Variants in FRMPD3 observed in about 807,000 individuals in gnomAD.
The protein encoded by FRMPD3 is FERM and PDZ domain containing 3.
A neutral mutation model predicts 97.9 loss-of-function variants in FRMPD3; 42 were observed. The observed-to-expected ratio is 0.43, with a 90% CI of 0.34 to 0.55. The LOEUF is 0.55. FRMPD3 is among the 20% of genes least tolerant of loss of function. The pLI is 0.03. For synonymous variants in FRMPD3, 577 were observed against 581.1 expected, an observed-to-expected ratio of 0.99 and a Z score of 0.10; for missense variants, 1,303 against 1,457.7, an observed-to-expected ratio of 0.89 and a Z score of 1.73.
At chrX:107,542,065 G>C (rs1921338523) in intron 4 of FRMPD3, among the ~76,000 whole-genome samples, 1 of 112,434 alleles carries the variant, frequency 8.9e-6, no homozygotes, top group African/African-American at 3.2e-5. Context: ...GATTCCACTT[G>C]CCTCATGTTT....
chrX:107,554,309 A>G, intron 7 of FRMPD3, 76 bp from the exon 8 acceptor site: 1 of 1,090,391 alleles, frequency 9.2e-7, no homozygotes, highest in Non-Finnish European at 1.2e-6. Flanking sequence ...TTAAAGAGCC[A>G]CTGAGCTGCC....
At chrX:107,534,069 T>C (rs1364234003) in intron 4 of FRMPD3, among the ~76,000 whole-genome samples, 1 of 112,028 alleles carries the variant, frequency 8.9e-6, no homozygotes, top group East Asian at 2.8e-4. Flanking sequence ...AATGAGTCAG[T>C]TCCCCATTCT....
At chrX:107,483,160 GC>G (rs1413342486) in intron 1 of FRMPD3, among the ~76,000 whole-genome samples, 20 of 112,128 alleles carry the variant, frequency 1.8e-4, no homozygotes, top group African/African-American at 6.2e-4. Flanking sequence ...GCTGTGAACT[GC>G]ATAAAGGTAC....
chrX:107,514,481 C>T (rs1241394078), intron 1 of FRMPD3, among the ~76,000 whole-genome samples: 2 of 108,985 alleles, frequency 1.8e-5, no homozygotes, highest in African/African-American at 3.3e-5. Context: ...GGAGAGGGAG[C>T]GAGCTTGTCG....
At chrX:107,508,585 T>G (rs751131512) in intron 1 of FRMPD3, among the ~76,000 whole-genome samples, 1 of 111,621 alleles carries the variant, frequency 9.0e-6, no homozygotes, top group Non-Finnish European at 1.9e-5. Flanking sequence ...CCCAGATCAC[T>G]AACTCCAGAG....
chrX:107,527,608 T>C (rs762964499), intron 2 of FRMPD3, among the ~76,000 whole-genome samples: 15 of 112,413 alleles, frequency 1.3e-4, no homozygotes, highest in Non-Finnish European at 2.8e-4. Context: ...AGTACTGTTT[T>C]GTTTCGAATC....
At chrX:107,453,329 G>A (rs1931322899) in intron 1 of FRMPD3, among the ~76,000 whole-genome samples, 1 of 110,117 alleles carries the variant, frequency 9.1e-6, no homozygotes, top group African/African-American at 3.3e-5. Context: ...GTTTTGGGGG[G>A]TTCTTGCCTT....
rs1426364162 is a variant in FRMPD3 at position 107,507,839 on chromosome X, C to T, written c.-7-18743C>T. ...AGATCTTCCTTCTGTTCCTCCATCC[C>T]CAGTCACTCATTTTACTTAGAGTAC... On this transcript the variant is annotated intron_variant, in intron 1 of 14. Coordinates refer to ENST00000683843, the MANE Select transcript of FRMPD3 (RefSeq NM_001388459.1). Among the ~76,000 whole-genome samples the T allele has an allele frequency of 2.7e-5, 3 of 112,321 alleles. No homozygotes were observed. The East Asian group carries it at 8.4e-4, about 31-fold the overall frequency.
At chrX:107,560,578 G>C in intron 9 of FRMPD3, 149 bp from the exon 10 acceptor site, 1 of 879,009 alleles carries the variant, frequency 1.1e-6, no homozygotes, top group Non-Finnish European at 1.6e-6. Flanking sequence ...TGTGGCTAAT[G>C]TTATTTTCCT....
Position 107,471,375 on chromosome X carries a change from C to A in FRMPD3, c.-8+21370C>A, listed in dbSNP as rs185482935. ...AAAAAAACGGGATACATGTGCAGAA[C>A]GTGCAGGTTTGTTACATAGGTATAG... On this transcript the variant is annotated intron_variant, in intron 1 of 14. Transcript: ENST00000683843. 6.2e-3 allele frequency among the ~76,000 whole-genome samples: 589 copies of A among 94,304 alleles called. 10 individuals carry two copies. Among genetic ancestry groups the A allele is most frequent in the African/African-American group, 0.023 (567 of 25,073 alleles). The allele number at this position is 94,304 out of a possible 115,157, so 81.9% of individuals were successfully genotyped here. A position where few individuals can be genotyped will look rare whatever the true frequency, so the allele number is the denominator to read the frequency against.
chrX:107,583,410 A>C (rs1317495991), intron 13 of FRMPD3, among the ~76,000 whole-genome samples: 4 of 112,142 alleles, frequency 3.6e-5, no homozygotes, highest in African/African-American at 1.3e-4. Flanking sequence ...CCTGCAAAGG[A>C]CATGATCTCA....
At chrX:107,465,457 G>A (rs1263604726) in intron 1 of FRMPD3, among the ~76,000 whole-genome samples, 2 of 111,214 alleles carry the variant, frequency 1.8e-5, no homozygotes, top group East Asian at 5.6e-4. Flanking sequence ...GTGACAGAGT[G>A]ATACAGTGTC....
chrX:107,576,306 C>T lies in FRMPD3; in HGVS notation c.1297-9C>T, dbSNP rs773813123. Reference sequence around the variant, plus strand: ...CATGTCTTCATGTTTCTTCCCTTCTCTTCTGCAGCCTCTGGTGCTGTTGAT... The same window carrying T: ...CATGTCTTCATGTTTCTTCCCTTCTTTTCTGCAGCCTCTGGTGCTGTTGAT... On this transcript the variant is annotated splice_polypyrimidine_tract_variant and intron_variant, in intron 12 of 14. Transcript: ENST00000683843. 5 of 1,209,042 alleles carry T rather than the reference C, an allele frequency of 4.1e-6. No homozygotes were observed. Among genetic ancestry groups the T allele is most frequent in the Admixed American group, 4.4e-5 (2 of 45,800 alleles).
At chrX:107,553,095 C>A (rs1358880552) in intron 7 of FRMPD3, among the ~76,000 whole-genome samples, 169 bp downstream of exon 7, 1 of 110,565 alleles carries the variant, frequency 9.0e-6, no homozygotes, top group African/African-American at 3.3e-5. Context: ...TGGCAGTGGC[C>A]TTTGTGAGCT....
At chrX:107,456,392 T>C (rs1167220082) in intron 1 of FRMPD3, among the ~76,000 whole-genome samples, 8 of 111,718 alleles carry the variant, frequency 7.2e-5, no homozygotes, top group African/African-American at 9.8e-5. Context: ...GAAAATAGTA[T>C]AGTAACCCCC....
intron 8 of FRMPD3, among the ~76,000 whole-genome samples, chrX:107,557,210 T>A (rs1922117908): frequency 9.0e-6 from 1 of 111,581 alleles, no homozygotes; most frequent in Non-Finnish European, 1.9e-5. Context: ...ATTTGCATTT[T>A]CCTAATGACT....
chrX:107,584,116 C>T (rs1305128645), intron 13 of FRMPD3, among the ~76,000 whole-genome samples: 3 of 111,135 alleles, frequency 2.7e-5, no homozygotes, highest in Non-Finnish European at 5.7e-5. Context: ...ATCCACCTGC[C>T]TTGGCCTCCC....
chrX:107,532,569 A>G (rs1797673723), intron 3 of FRMPD3, among the ~76,000 whole-genome samples: 1 of 112,362 alleles, frequency 8.9e-6, no homozygotes, highest in South Asian at 3.7e-4. Context: ...GATTTTCTTT[A>G]GTATTTTTCC....
intron 1 of FRMPD3, among the ~76,000 whole-genome samples, chrX:107,474,704 T>C (rs1921153509): frequency 9.0e-6 from 1 of 111,457 alleles, no homozygotes; most frequent in Non-Finnish European, 1.9e-5. Flanking sequence ...TAAGGATTAA[T>C]GGGGGAAGGC....
Sources: allele counts gnomAD v4.1 joint callset (sites outside exome capture counted in the v4.1 genomes callset), GRCh38; gene constraint gnomAD v4.1.1; transcripts MANE v1.5; gene names NCBI Gene and HGNC (gene_info 2026-07-23, HGNC 2026-07-21).